The following TPX2 variants were observed in gnomAD, a reference collection of about 807,000 sequenced individuals.
TPX2 encodes TPX2 microtubule nucleation factor.
A neutral mutation model predicts 93.6 loss-of-function variants in TPX2; 21 were observed. The observed-to-expected ratio is 0.22, with a 90% confidence interval of 0.16 to 0.32. TPX2 has a LOEUF of 0.32. Ranked by LOEUF, TPX2 falls within the 10% of genes least tolerant of loss-of-function variation. The pLI is 1.00. For synonymous variants in TPX2, 281 were observed against 298.3 expected, an observed-to-expected ratio of 0.94 and a Z score of 0.60; for missense variants, 776 against 871.1, an observed-to-expected ratio of 0.89 and a Z score of 1.37.
At chr20:31,784,028 G>T in intron 12 of TPX2, 107 bp downstream of exon 12, 1 of 1,179,698 alleles carries the variant, frequency 8.5e-7, no homozygotes, top group East Asian at 2.4e-5. Flanking sequence ...CATCATATTA[G>T]GAACTGCAGG....
intron 12 of TPX2, among the ~76,000 whole-genome samples, chr20:31,784,352 A>G (rs975556818): frequency 6.6e-6 from 1 of 152,298 alleles, no homozygotes; most frequent in African/African-American, 2.4e-5. Flanking sequence ...ATATTAGCCC[A>G]TTAGTTTTGA....
At chr20:31,793,267 C>A (rs185749141) in intron 13 of TPX2, among the ~76,000 whole-genome samples, 1 of 152,234 alleles carries the variant, frequency 6.6e-6, no homozygotes, top group East Asian at 1.9e-4. Context: ...CTGTGGTGAT[C>A]GTTTATGGAA....
intron 1 of TPX2, among the ~76,000 whole-genome samples, chr20:31,740,009 A>G (rs893576876): frequency 6.6e-6 from 1 of 152,172 alleles, no homozygotes; most frequent in Non-Finnish European, 1.5e-5. Context: ...AATTCATTAT[A>G]TGTTATCCAT....
intron 2 of TPX2, among the ~76,000 whole-genome samples, chr20:31,751,823 A>G (rs1462685567): frequency 1.3e-5 from 2 of 152,134 alleles, no homozygotes; most frequent in Admixed American, 6.6e-5. Context: ...GCTCACTGCA[A>G]CCTTCGCCTC....
At chr20:31,794,793 T>TGTGTGTGTGTAC (rs1445540472) in intron 15 of TPX2, among the ~76,000 whole-genome samples, 3 of 150,688 alleles carry the variant, frequency 2.0e-5, no homozygotes, top group Non-Finnish European at 4.4e-5. Context: ...TGTGTGTGTA[T>TGTGTGTGTGTAC]GTGTGTGTGT....
chr20:31,742,172 CTCTT>C (rs1362184252), intron 1 of TPX2, among the ~76,000 whole-genome samples: 2 of 138,504 alleles, frequency 1.4e-5, no homozygotes, highest in African/African-American at 5.7e-5. Context: ...TAAAAGTTTG[CTCTT>C]TTTTTTTTTT....
intron 12 of TPX2, among the ~76,000 whole-genome samples, chr20:31,790,481 C>A (rs59021102): frequency 1.3e-5 from 2 of 152,226 alleles, no homozygotes; most frequent in South Asian, 2.1e-4. Context: ...ACTAAAACTT[C>A]TGAGTAGTCC....
chr20:31,755,298 G>A (rs2061845084), intron 2 of TPX2, among the ~76,000 whole-genome samples: 1 of 150,914 alleles, frequency 6.6e-6, no homozygotes, highest in African/African-American at 2.4e-5. Context: ...TGGCCAGGCT[G>A]GTCTCAAACT....
intron 2 of TPX2, among the ~76,000 whole-genome samples, chr20:31,754,551 G>T (rs1190040342): frequency 6.6e-6 from 1 of 152,182 alleles, no homozygotes; most frequent in Non-Finnish European, 1.5e-5. Context: ...GAGTTGGGGA[G>T]AGTTTGGGGA....
chr20:31,794,345 C>A, intron 14 of TPX2, 57 bp from the exon 15 acceptor site: 1 of 1,570,086 alleles, frequency 6.4e-7, no homozygotes, highest in Admixed American at 1.9e-5. Context: ...TATTCTGGAG[C>A]AGCTATTGCT....
intron 2 of TPX2, among the ~76,000 whole-genome samples, chr20:31,753,327 T>C (rs1202379006): frequency 2.0e-5 from 3 of 152,198 alleles, no homozygotes; most frequent in East Asian, 3.8e-4. Flanking sequence ...GGGCAAGTCA[T>C]TTAATCTTTC....
At chr20:31,787,897 A>G (rs2062076785) in intron 12 of TPX2, among the ~76,000 whole-genome samples, 1 of 152,160 alleles carries the variant, frequency 6.6e-6, no homozygotes, top group Admixed American at 6.5e-5. Context: ...ATTCAACAGA[A>G]CTGTTTTAGG....
chr20:31,740,534 C>T (rs1290311392), intron 1 of TPX2, among the ~76,000 whole-genome samples: 1 of 152,192 alleles, frequency 6.6e-6, no homozygotes, highest in Non-Finnish European at 1.5e-5. Flanking sequence ...TGTCAGCTAA[C>T]TCAGCCATTT....
chr20:31,755,864 T>A (rs890641408), intron 2 of TPX2, among the ~76,000 whole-genome samples: 1 of 152,210 alleles, frequency 6.6e-6, no homozygotes, highest in Non-Finnish European at 1.5e-5. Context: ...AGCTATTTTA[T>A]TAACTAGATT....
chr20:31,789,832 G>A (rs1180200082), intron 12 of TPX2, among the ~76,000 whole-genome samples: 1 of 152,178 alleles, frequency 6.6e-6, no homozygotes, highest in African/African-American at 2.4e-5. Flanking sequence ...CTTATTAGAG[G>A]TTTCCCTTGC....
At chr20:31,763,951 G>A (rs55814361) in intron 4 of TPX2, among the ~76,000 whole-genome samples, 10 of 151,594 alleles carry the variant, frequency 6.6e-5, no homozygotes, top group African/African-American at 2.2e-4. Flanking sequence ...CCTGGGAGGC[G>A]GAGGCTGCAG....
chr20:31,773,227 C>T (rs1418547590), intron 7 of TPX2, among the ~76,000 whole-genome samples: 1 of 150,046 alleles, frequency 6.7e-6, no homozygotes, highest in East Asian at 1.9e-4. Context: ...TTTCGGCTCA[C>T]TGCAACCTCT....
At chr20:31,765,144 C>T (rs1204423448) in intron 4 of TPX2, among the ~76,000 whole-genome samples, 1 of 151,466 alleles carries the variant, frequency 6.6e-6, no homozygotes, top group Admixed American at 6.6e-5. Flanking sequence ...TCCCATAACA[C>T]TTTTTTTCTA....
chr20:31,754,707 C>G (rs963257868), intron 2 of TPX2, among the ~76,000 whole-genome samples: 1 of 151,972 alleles, frequency 6.6e-6, no homozygotes, highest in East Asian at 1.9e-4. Flanking sequence ...AGAAATTTAG[C>G]TACAAGGATG....
Sources: gnomAD v4.1 joint callset for allele counts (sites outside exome capture counted in the v4.1 genomes callset) on GRCh38, gnomAD v4.1.1 for gene constraint, MANE v1.5 for transcripts, NCBI Gene and HGNC (gene_info 2026-07-23, HGNC 2026-07-21) for gene names.